Variants in AFF3 observed in about 807,000 individuals in gnomAD.
The protein encoded by AFF3 is ALF transcription elongation factor 3.
Under a neutral mutation model 129.7 loss-of-function variants are expected in AFF3, and 32 were observed. The observed-to-expected ratio is 0.25, with a 90% CI of 0.19 to 0.33. The LOEUF (loss-of-function observed/expected upper bound fraction) is 0.33, where lower values mean the gene tolerates loss of function less well. Among genes scored for constraint, AFF3 ranks in the 10% least tolerant of loss-of-function variants. AFF3 has a pLI of 1.00. For missense variants in AFF3, 1,373 were observed against 1,592.0 expected (o/e 0.86, Z 2.34); for synonymous variants, 644 against 635.4 (o/e 1.01, Z -0.20).
At chr2:100,007,752 A>G in intron 5 of AFF3, 1 of 406,926 alleles carries the variant, frequency 2.5e-6, no homozygotes, top group South Asian at 2.6e-5. Flanking sequence ...AGGTGGGCGG[A>G]ACACCTGAGG....
chr2:100,009,362 T>G (rs529446545), intron 4 of AFF3, among the ~76,000 whole-genome samples: 2 of 152,206 alleles, frequency 1.3e-5, no homozygotes, highest in African/African-American at 4.8e-5. Flanking sequence ...GCTGTGTTTC[T>G]GCAGTGATTC....
intron 4 of AFF3, among the ~76,000 whole-genome samples, chr2:100,059,129 T>C (rs1217081921): frequency 3.3e-5 from 5 of 151,736 alleles, no homozygotes. Context: ...GGTGGGTGCC[T>C]GTAATCTCAG....
At chr2:99,821,044 T>C (rs1050044779) in intron 8 of AFF3, among the ~76,000 whole-genome samples, 1 of 151,926 alleles carries the variant, frequency 6.6e-6, no homozygotes, top group Non-Finnish European at 1.5e-5. Context: ...GTCTGATTTT[T>C]GTATTTTTAG....
At chr2:99,634,964 T>TATACACAC (rs1553411951) in intron 13 of AFF3, among the ~76,000 whole-genome samples, 1 of 137,710 alleles carries the variant, frequency 7.3e-6, no homozygotes, top group Non-Finnish European at 1.6e-5. Flanking sequence ...GATTCTGTCA[T>TATACACAC]ACACACACAC....
intron 11 of AFF3, among the ~76,000 whole-genome samples, chr2:99,714,058 T>A (rs1171290870): frequency 6.6e-6 from 1 of 152,170 alleles, no homozygotes; most frequent in African/African-American, 2.4e-5. Context: ...GACCTTCCAA[T>A]GTCGTGCCAG....
intron 7 of AFF3, among the ~76,000 whole-genome samples, chr2:99,959,409 G>A (rs564893908): frequency 2.0e-5 from 3 of 150,224 alleles, no homozygotes; most frequent in South Asian, 2.1e-4. Context: ...AAATGTATGC[G>A]GCTGGAAAAA....
At chr2:99,965,984 A>C (rs1474960757) in intron 7 of AFF3, among the ~76,000 whole-genome samples, 1 of 152,200 alleles carries the variant, frequency 6.6e-6, no homozygotes, top group Non-Finnish European at 1.5e-5. Flanking sequence ...TTTTATTTTG[A>C]CTAGCAAAAA....
chr2:99,980,385 C>G (rs1337037101), intron 7 of AFF3, among the ~76,000 whole-genome samples: 1 of 152,194 alleles, frequency 6.6e-6, no homozygotes, highest in African/African-American at 2.4e-5. Flanking sequence ...CATACATGAG[C>G]TGGCAGTTAG....
chr2:99,832,522 A>C (rs1351985853), intron 8 of AFF3, among the ~76,000 whole-genome samples: 2 of 152,262 alleles, frequency 1.3e-5, no homozygotes, highest in Non-Finnish European at 2.9e-5. Flanking sequence ...TGCAGGCACC[A>C]GGGTGCCCTT....
At chr2:99,684,396 A>C (rs570951502) in intron 11 of AFF3, among the ~76,000 whole-genome samples, 1 of 152,316 alleles carries the variant, frequency 6.6e-6, no homozygotes, top group East Asian at 1.9e-4. Context: ...CAGTTCCTGG[A>C]AAACGTGCTC....
chr2:99,686,174 A>G (rs1675041284), intron 11 of AFF3, among the ~76,000 whole-genome samples: 1 of 152,144 alleles, frequency 6.6e-6, no homozygotes, highest in Non-Finnish European at 1.5e-5. Flanking sequence ...TGGGCGACAC[A>G]GCGAGACTCC....
intron 4 of AFF3, among the ~76,000 whole-genome samples, chr2:100,088,416 C>T (rs1370975347): frequency 6.6e-6 from 1 of 152,102 alleles, no homozygotes; most frequent in Non-Finnish European, 1.5e-5. Context: ...ACCTAAAAAG[C>T]TTCCTCTTTT....
chr2:99,958,559 G>T (rs75877663), intron 7 of AFF3, among the ~76,000 whole-genome samples: 8 of 151,732 alleles, frequency 5.3e-5, no homozygotes, highest in Non-Finnish European at 8.8e-5. Context: ...CCAGGTGGAC[G>T]ATCCTATGCT....
chr2:100,063,738 G>C (rs1435802006), intron 4 of AFF3, among the ~76,000 whole-genome samples: 2 of 152,156 alleles, frequency 1.3e-5, no homozygotes, highest in Non-Finnish European at 2.9e-5. Context: ...TGATAACTGA[G>C]ATGTTTCCAG....
chr2:99,630,156 T>A (rs764239725), intron 13 of AFF3, among the ~76,000 whole-genome samples: 2 of 152,182 alleles, frequency 1.3e-5, no homozygotes, highest in African/African-American at 2.4e-5. Context: ...GGTTTTAGCA[T>A]CAAGACTTCC....
chr2:99,942,560 G>A lies in AFF3; in HGVS notation c.873+64072C>T, dbSNP rs555414862. Among the ~76,000 whole-genome samples, 15 of 147,878 alleles carry A rather than the reference G, an allele frequency of 1.0e-4. No homozygotes were observed. The East Asian group carries it at 1.6e-3, about 16-fold the overall frequency. On this transcript the variant is annotated intron_variant, in intron 7 of 24. Transcript: ENST00000672756. ...TGGGGGGAGGGGCGGGGGGGGGGTCGCGGCACAGGGAATGGCCTGTGAAGG... is the reference window on the plus strand; with the variant it reads ...TGGGGGGAGGGGCGGGGGGGGGGTCACGGCACAGGGAATGGCCTGTGAAGG...
intron 2 of AFF3, among the ~76,000 whole-genome samples, chr2:100,107,817 T>G (rs1691370035): frequency 6.6e-6 from 1 of 152,178 alleles, no homozygotes; most frequent in South Asian, 2.1e-4. Context: ...AGCAAACCTA[T>G]AGCATCTAAG....
chr2:99,904,353 C>A (rs931611150), intron 7 of AFF3, among the ~76,000 whole-genome samples: 1 of 151,454 alleles, frequency 6.6e-6, no homozygotes, highest in Non-Finnish European at 1.5e-5. Flanking sequence ...TCATTTCTAA[C>A]GGTTGAATAG....
At chr2:99,709,265 T>C (rs1442244234) in intron 11 of AFF3, among the ~76,000 whole-genome samples, 4 of 152,198 alleles carry the variant, frequency 2.6e-5, no homozygotes, top group Non-Finnish European at 1.5e-5. Flanking sequence ...GTTCAAACCC[T>C]AGCTCTGTCA....
Sources: gnomAD v4.1 joint callset for allele counts (sites outside exome capture counted in the v4.1 genomes callset) on GRCh38, gnomAD v4.1.1 for gene constraint, MANE v1.5 for transcripts, NCBI Gene and HGNC (gene_info 2026-07-23, HGNC 2026-07-21) for gene names.